TRRAP: variants seen among roughly 807,000 people sequenced by gnomAD.
TRRAP encodes the protein transformation/transcription domain associated protein, also known as transformation/transcription domain-associated protein.
A neutral mutation model predicts 438.8 loss-of-function variants in TRRAP; 41 were observed. The ratio of observed to expected loss-of-function variants is 0.09; its 90% CI spans 0.07 to 0.12. The LOEUF is 0.12. Among genes scored for constraint, TRRAP ranks in the 10% least tolerant of loss-of-function variants. TRRAP has a pLI of 1.00. For synonymous variants in TRRAP, 1,994 were observed against 1,962.9 expected, an observed-to-expected ratio of 1.02 and a Z score of -0.42; for missense variants, 3,122 against 5,055.1, an observed-to-expected ratio of 0.62 and a Z score of 11.60.
At chr7:98,964,608 T>G in intron 47 of TRRAP, 21 bp from the exon 48 acceptor site, 1 of 1,603,894 alleles carries the variant, frequency 6.2e-7, no homozygotes, top group African/African-American at 1.3e-5. Context: ...TGTGAAACAC[T>G]TGGCAATTTC....
At position 98,881,174 on chromosome 7, in the gene TRRAP, G is replaced by T; in HGVS notation, c.24G>T (p.Gly8=). Reference sequence around the variant, plus strand: ...AAATGGCGTTTGTTGCAACACAGGGGGCCACGGTGGTTGACCAGACCACTT... The same window carrying T: ...AAATGGCGTTTGTTGCAACACAGGGTGCCACGGTGGTTGACCAGACCACTT... MAFVATQ[G]ATVVDQTTLM... Residue 8 remains glycine (G), a synonymous_variant, in exon 2 of 73, where the codon GGG becomes GGT. Coordinates refer to ENST00000456197, the MANE Select transcript of TRRAP (RefSeq NM_001375524.1). 1 of 1,609,292 alleles carries T rather than the reference G, an allele frequency of 6.2e-7. No individual in the cohort carries two copies. Among genetic ancestry groups the T allele is most frequent in the Non-Finnish European group, 8.5e-7 (1 of 1,177,602 alleles).
chr7:99,002,153 G>T (rs1235284038), intron 67 of TRRAP, among the ~76,000 whole-genome samples: 2 of 151,842 alleles, frequency 1.3e-5, no homozygotes, highest in African/African-American at 4.8e-5. Flanking sequence ...GTGGGTGGTA[G>T]CTGTGAAGGG....
At chr7:98,997,692 T>A (rs1430252586) in intron 67 of TRRAP, among the ~76,000 whole-genome samples, 1 of 152,090 alleles carries the variant, frequency 6.6e-6, no homozygotes, top group African/African-American at 2.4e-5. Context: ...AAATCATGTG[T>A]TGCTGGAATT....
chr7:98,950,579 A>G (rs1791288936), intron 38 of TRRAP, among the ~76,000 whole-genome samples: 1 of 152,202 alleles, frequency 6.6e-6, no homozygotes, highest in Non-Finnish European at 1.5e-5. Flanking sequence ...GTTGCTCAGG[A>G]GCGTCAGGTG....
At chr7:98,894,793 T>G (rs1004672993) in intron 6 of TRRAP, among the ~76,000 whole-genome samples, 1 of 143,736 alleles carries the variant, frequency 7.0e-6, no homozygotes, top group African/African-American at 2.6e-5. Context: ...GTTTTTTTTT[T>G]TTTTTTTTTT....
Position 99,005,174 on chromosome 7 carries a change from G to A in TRRAP, c.10579G>A (p.Ala3527Thr). 1 of 1,614,044 alleles carries A rather than the reference G, an allele frequency of 6.2e-7. No individual in the cohort carries two copies. The highest frequency in any genetic ancestry group is 1.1e-5 in the South Asian group (1 of 91,092). The change falls in exon 69 of 73, where the codon GCC becomes ACC. Residue 3527 changes from alanine to threonine, a missense_variant. Ala to Thr is a moderately conservative substitution (Grantham distance 58). Around this residue, in one of 24 missense-constraint regions of TRRAP, gnomAD observed 95 missense variants for 144.1 expected, o/e 0.66. Coordinates refer to ENST00000456197, the MANE Select transcript of TRRAP (RefSeq NM_001375524.1). The surrounding 1 kb of genome is among the most constrained non-coding windows in gnomAD (Gnocchi z 5.1). Reference sequence around the variant, plus strand: ...GATTGTGCAGAAGCACAACACCGCAGCCCGGCGGCTGTACATCCGGGGACA... The same window carrying A: ...GATTGTGCAGAAGCACAACACCGCAACCCGGCGGCTGTACATCCGGGGACA... ...VEIVQKHNTA[A>T]RRLYIRGHNG...
chr7:98,978,077 A>C, intron 56 of TRRAP, 134 bp from the exon 57 acceptor site: 1 of 763,132 alleles, frequency 1.3e-6, no homozygotes, highest in Non-Finnish European at 2.1e-6. Context: ...CCTAGGAATT[A>C]AGAGTTTGAG....
intron 63 of TRRAP, 122 bp from the exon 64 acceptor site, chr7:98,990,329 TATAG>T: frequency 1.1e-6 from 1 of 937,472 alleles, no homozygotes; most frequent in Non-Finnish European, 1.6e-6. Flanking sequence ...TTGGCCTGCT[TATAG>T]ATACTTTTTT....
intron 30 of TRRAP, 150 bp from the exon 31 acceptor site, chr7:98,942,799 C>A: frequency 2.5e-6 from 2 of 805,692 alleles, no homozygotes; most frequent in Non-Finnish European, 3.9e-6. Flanking sequence ...CAGTTATTCT[C>A]ATCACTAGTT....
At chr7:98,975,354 A>G (rs1792609118) in intron 53 of TRRAP, among the ~76,000 whole-genome samples, 1 of 152,236 alleles carries the variant, frequency 6.6e-6, no homozygotes, top group Non-Finnish European at 1.5e-5. Context: ...CAGCAGGGAC[A>G]GTGTGGCTGT....
At chr7:98,969,077 C>T (rs1333956122) in intron 51 of TRRAP, among the ~76,000 whole-genome samples, 2 of 152,254 alleles carry the variant, frequency 1.3e-5, no homozygotes, top group African/African-American at 4.8e-5. Flanking sequence ...CCACTGGCCA[C>T]CGCCATCTCT....
intron 69 of TRRAP, among the ~76,000 whole-genome samples, chr7:99,006,109 C>T (rs1031590386): frequency 4.8e-4 from 73 of 152,340 alleles, no homozygotes; most frequent in South Asian, 4.1e-4. Flanking sequence ...GATAAGCAAC[C>T]TCTGAATGAA....
chr7:98,994,893 G>A lies in TRRAP; in HGVS notation c.10309+45G>A, dbSNP rs780269875. On this transcript the variant is annotated intron_variant, in intron 67 of 72. Coordinates refer to ENST00000456197, the MANE Select transcript of TRRAP (RefSeq NM_001375524.1). This position sits in a 1 kb window ranked among gnomAD's most constrained non-coding sequence, Gnocchi z 4.8. The stretch of plus-strand genomic sequence containing the variant: ...CCCTTCCATAGGGAGAATTGTGCAC[G>A]CTGATTTCCTCCGGCTTTAGTGTTG... The A allele has an allele frequency of 2.1e-5, 33 of 1,597,068 alleles. No homozygotes were observed. Among genetic ancestry groups the A allele is most frequent in the Admixed American group, 8.5e-5 (5 of 59,170 alleles).
In TRRAP at chr7:98,983,032, G is replaced by A. The variant is rs1458326856; in HGVS notation, c.8827-232G>A. On this transcript the variant is annotated intron_variant, in intron 59 of 72. Transcript: ENST00000456197. ...TCTCCCAGTCTCCTGTCTCTCAGGA[G>A]CCACAAGCTGAGGTTTTAAAATTGG... Among the ~76,000 whole-genome samples the A allele has an allele frequency of 1.0e-3, 156 of 152,288 alleles. 5 individuals are homozygous for A. Among genetic ancestry groups the A allele is most frequent in the Admixed American group, 0.01 (156 of 15,302 alleles).
At chr7:98,903,663 T>A (rs1367655266) in intron 12 of TRRAP, 146 bp downstream of exon 12, 1 of 1,189,760 alleles carries the variant, frequency 8.4e-7, no homozygotes, top group African/African-American at 1.5e-5. Flanking sequence ...CTTTCCCCTC[T>A]TTTCTCTCCC....
intron 11 of TRRAP, 83 bp from the exon 12 acceptor site, chr7:98,903,296 A>G: frequency 5.1e-6 from 8 of 1,555,888 alleles, no homozygotes; most frequent in Non-Finnish European, 7.0e-6. Context: ...GTCTTACTGA[A>G]TTTTTAAGAA....
intron 17 of TRRAP, 70 bp from the exon 18 acceptor site, chr7:98,911,952 C>A: frequency 7.2e-7 from 1 of 1,385,968 alleles, no homozygotes; most frequent in Non-Finnish European, 1.0e-6. Context: ...TTTTTGAAAG[C>A]TTACTACTTT....
rs746643185 is a variant in TRRAP, at chr7:98,994,520, G to A, written c.10048-67G>A. The A allele has an allele frequency of 3.0e-5, 48 of 1,599,904 alleles. No homozygotes were observed. Among genetic ancestry groups the A allele is most frequent in the South Asian group, 5.6e-5 (5 of 88,764 alleles). ...GCTGGGAGGGCCGCACTCAATAGGC[G>A]CTTTTGGCTGCTGGTTCTGGAGTGG... is the stretch of plus-strand genomic sequence containing the variant. On this transcript the variant is annotated intron_variant, in intron 66 of 72. Transcript: ENST00000456197. This position sits in a 1 kb window ranked among gnomAD's most constrained non-coding sequence, Gnocchi z 4.8.
intron 67 of TRRAP, chr7:98,999,358 C>G (rs1277058389): frequency 1.4e-6 from 2 of 1,406,360 alleles, no homozygotes; most frequent in Non-Finnish European, 2.0e-6. Context: ...GACAGTGATT[C>G]CACATCCTGC....
Sources: allele counts gnomAD v4.1 joint callset (sites outside exome capture counted in the v4.1 genomes callset), GRCh38; gene constraint gnomAD v4.1.1; regional missense constraint gnomAD v4.1.1; non-coding constraint Gnocchi (gnomAD v3.1); transcripts MANE v1.5; gene names NCBI Gene and HGNC (gene_info 2026-07-23, HGNC 2026-07-21).